ITPK1: variants seen among roughly 807,000 people sequenced by gnomAD.
ITPK1 encodes the protein inositol 1,3,4-trisphosphate 5/6-kinase.
ITPK1 carries 21 observed loss-of-function variants against 45.3 expected under a neutral mutation model. The ratio of observed to expected loss-of-function variants is 0.46; its 90% CI spans 0.33 to 0.67. The LOEUF (loss-of-function observed/expected upper bound fraction) is 0.67, where lower values mean the gene tolerates loss of function less well. ITPK1 is among the 30% of genes least tolerant of loss of function. The pLI is 0.02. For synonymous variants in ITPK1, 258 were observed against 253.6 expected (o/e 1.02, Z -0.16); for missense variants, 474 against 573.5 (o/e 0.83, Z 1.77).
rs115365371 is a variant in ITPK1, at chr14:93,043,408, G to C, written c.121-26607C>G. Reference sequence around the variant, plus strand: ...AGAGACTGCAAAAGCCCAGTGCTCTGTGGAGTCACTGCAGAAAGCACCGAA... The same window carrying C: ...AGAGACTGCAAAAGCCCAGTGCTCTCTGGAGTCACTGCAGAAAGCACCGAA... On this transcript the variant is annotated intron_variant, in intron 3 of 10. Coordinates refer to ENST00000267615, the MANE Select transcript of ITPK1 (RefSeq NM_014216.6). Among the ~76,000 whole-genome samples, 379 of 152,382 alleles carry C rather than the reference G, an allele frequency of 2.5e-3. 2 individuals are homozygous for C. Among genetic ancestry groups the C allele is most frequent in the African/African-American group, 8.5e-3 (354 of 41,594 alleles).
chr14:92,960,596 C>T (rs113636366), intron 7 of ITPK1, among the ~76,000 whole-genome samples: 21 of 152,378 alleles, frequency 1.4e-4, no homozygotes, highest in Non-Finnish European at 2.2e-4. Flanking sequence ...TTGAGTGACT[C>T]GCAGAAGTGG....
intron 4 of ITPK1, among the ~76,000 whole-genome samples, chr14:93,015,661 G>C (rs1215664737): frequency 6.6e-6 from 1 of 152,246 alleles, no homozygotes; most frequent in Non-Finnish European, 1.5e-5. Flanking sequence ...CCCCAAGCAG[G>C]GGATGCCAGG....
chr14:92,953,387 C>T (rs559217566), intron 8 of ITPK1, among the ~76,000 whole-genome samples: 1 of 152,246 alleles, frequency 6.6e-6, no homozygotes, highest in Non-Finnish European at 1.5e-5. Context: ...AAAATAAACA[C>T]CCCGCAGGAC....
At chr14:93,048,486 T>G (rs1889874514) in intron 3 of ITPK1, among the ~76,000 whole-genome samples, 1 of 152,204 alleles carries the variant, frequency 6.6e-6, no homozygotes, top group Non-Finnish European at 1.5e-5. Context: ...GAACCCATAC[T>G]CCTTTCAAGT....
At chr14:93,093,274 T>C (rs1252450626) in intron 2 of ITPK1, among the ~76,000 whole-genome samples, 1 of 152,178 alleles carries the variant, frequency 6.6e-6, no homozygotes, top group East Asian at 1.9e-4. Context: ...AGGGCAGAGA[T>C]GGGGTGTGCA....
At chr14:92,950,654 C>T (rs1188543846) in intron 9 of ITPK1, among the ~76,000 whole-genome samples, 12 of 152,322 alleles carry the variant, frequency 7.9e-5, no homozygotes, top group Non-Finnish European at 1.2e-4. Flanking sequence ...TCTGCCATCA[C>T]GGCTGCTGGC....
intron 4 of ITPK1, among the ~76,000 whole-genome samples, chr14:93,009,448 G>A (rs903612837): frequency 6.6e-6 from 1 of 152,106 alleles, no homozygotes; most frequent in African/African-American, 2.4e-5. Context: ...CTCTGTTCCT[G>A]GTTGGTAAGA....
chr14:93,104,462 C>CAAAAAAAAAAAA (rs35034223), intron 2 of ITPK1, among the ~76,000 whole-genome samples: 43 of 146,010 alleles, frequency 2.9e-4, no homozygotes, highest in Admixed American at 8.2e-4. Flanking sequence ...AACTCCATCT[C>CAAAAAAAAAAAA]AAAAAAAAAA....
At chr14:92,956,470 T>C (rs1019617489) in intron 8 of ITPK1, among the ~76,000 whole-genome samples, 6 of 152,002 alleles carry the variant, frequency 3.9e-5, no homozygotes, top group African/African-American at 1.5e-4. Context: ...AACCTAGAAA[T>C]AGCCACACAA....
Position 92,941,411 on chromosome 14 carries a change from G to C in ITPK1, c.*150C>G, listed in dbSNP as rs1421109718. 2 of 1,420,840 alleles carry C rather than the reference G, an allele frequency of 1.4e-6. 1 individual carries two copies. The highest frequency in any genetic ancestry group is 2.9e-5 in the African/African-American group (2 of 67,984). The allele number at this position is 1,420,840 out of a possible 1,614,324, so 88.0% of individuals were successfully genotyped here. The stretch of plus-strand genomic sequence containing the variant: ...TCCATCCCCCACTACCCCTCATTTA[G>C]ATCATGACATCAGAGAATCAGGTTA... On this transcript the variant is annotated 3_prime_UTR_variant, in exon 11 of 11. Coordinates refer to ENST00000267615, the MANE Select transcript of ITPK1 (RefSeq NM_014216.6).
rs755341768 is a variant in ITPK1 at position 92,958,380 on chromosome 14, G to C, written c.505-14C>G. On this transcript the variant is annotated splice_polypyrimidine_tract_variant and intron_variant, in intron 7 of 10. Coordinates refer to ENST00000267615, the MANE Select transcript of ITPK1 (RefSeq NM_014216.6). This position sits in a 1 kb window ranked among gnomAD's most constrained non-coding sequence, Gnocchi z 4.4. The stretch of plus-strand genomic sequence containing the variant: ...CACGATAGCCATCTGGGAAGACAAG[G>C]GGTCAAAAGCTCTGTCAGAATCCAC... The C allele has an allele frequency of 1.2e-6, 2 of 1,613,736 alleles. No individual in the cohort carries two copies. Among genetic ancestry groups the C allele is most frequent in the East Asian group, 2.2e-5 (1 of 44,862 alleles).
intron 10 of ITPK1, among the ~76,000 whole-genome samples, chr14:92,943,776 T>C (rs143577065): frequency 6.6e-6 from 1 of 152,362 alleles, no homozygotes; most frequent in African/African-American, 2.4e-5. Flanking sequence ...ATACCAGCAC[T>C]GTGCAAAAGC....
intron 5 of ITPK1, among the ~76,000 whole-genome samples, chr14:92,988,972 A>G (rs1296692552): frequency 6.6e-6 from 1 of 152,050 alleles, no homozygotes; most frequent in Non-Finnish European, 1.5e-5. Flanking sequence ...GGCGGTGGCA[A>G]TGGGCAGGGT....
chr14:93,115,727 C>A, intron 1 of ITPK1, 45 bp downstream of exon 1: 1 of 150,508 alleles, frequency 6.6e-6, no homozygotes, highest in South Asian at 1.9e-4. Context: ...CGCTTGGACC[C>A]CGGCGGGGCG....
At position 92,940,737 on chromosome 14, in the gene ITPK1, A is replaced by G. The variant is rs1303762763; in HGVS notation, c.*824T>C. The G allele has an allele frequency of 7.8e-7, 1 of 1,289,040 alleles. No homozygotes were observed. The highest frequency in any genetic ancestry group is 1.0e-6 in the Non-Finnish European group (1 of 988,686). 79.9% of individuals were successfully genotyped at this position (1,289,040 alleles called of 1,614,324 possible). On this transcript the variant is annotated 3_prime_UTR_variant, in exon 11 of 11. Coordinates refer to ENST00000267615, the MANE Select transcript of ITPK1 (RefSeq NM_014216.6). ...GAGACAAGGGGGTGGAGGCCCAAAG[A>G]CCTGGAATGATTTGCCCAAATCACA...
intron 4 of ITPK1, among the ~76,000 whole-genome samples, chr14:93,008,796 C>G (rs1445297844): frequency 6.6e-6 from 1 of 152,208 alleles, no homozygotes; most frequent in African/African-American, 2.4e-5. Flanking sequence ...CAGGAGGAAA[C>G]AGAAAACAGG....
intron 3 of ITPK1, among the ~76,000 whole-genome samples, chr14:93,074,306 T>G (rs1891130926): frequency 6.6e-6 from 1 of 152,196 alleles, no homozygotes; most frequent in Admixed American, 6.5e-5. Flanking sequence ...TCGCAATGCT[T>G]CTTCTGCCCC....
intron 3 of ITPK1, among the ~76,000 whole-genome samples, chr14:93,030,422 T>TTTTC (rs747430166): frequency 2.0e-5 from 3 of 152,108 alleles, no homozygotes; most frequent in Admixed American, 6.6e-5. Flanking sequence ...ACTTGTTTTC[T>TTTTC]TTTCTTTCTT....
chr14:93,011,158 G>A (rs1887882166), intron 4 of ITPK1, among the ~76,000 whole-genome samples: 1 of 152,234 alleles, frequency 6.6e-6, no homozygotes, highest in Non-Finnish European at 1.5e-5. Flanking sequence ...TCACCACAGG[G>A]CAGACACTGA....
Sources: gnomAD v4.1 joint callset for allele counts (sites outside exome capture counted in the v4.1 genomes callset) on GRCh38, gnomAD v4.1.1 for gene constraint, Gnocchi (gnomAD v3.1) non-coding constraint, MANE v1.5 for transcripts, NCBI Gene and HGNC (gene_info 2026-07-23, HGNC 2026-07-21) for gene names.